Variants in TCTN3 observed in about 807,000 individuals in gnomAD.
TCTN3 encodes tectonic family member 3.
TCTN3 carries 57 observed loss-of-function variants against 71.3 expected under a neutral mutation model. The ratio of observed to expected loss-of-function variants is 0.80; its 90% CI spans 0.65 to 1.00. TCTN3 has a LOEUF of 1.00. Among genes scored for constraint, TCTN3 ranks in the 50% least tolerant of loss-of-function variants. The pLI is 0.00. For synonymous variants in TCTN3, 258 were observed against 267.8 expected, an observed-to-expected ratio of 0.96 and a Z score of 0.36; for missense variants, 696 against 719.9, an observed-to-expected ratio of 0.97 and a Z score of 0.38.
chr10:95,690,317 AG>A (rs1260912983), intron 3 of TCTN3, among the ~76,000 whole-genome samples: 1 of 152,214 alleles, frequency 6.6e-6, no homozygotes, highest in Admixed American at 6.5e-5. Flanking sequence ...GGGGAAACAA[AG>A]ATATGGTCCA....
rs2097944900 is a variant in TCTN3 at position 95,683,253 on chromosome 10, T to C, written c.1204-58A>G. On this transcript the variant is annotated intron_variant, in intron 10 of 13. Coordinates refer to ENST00000371217, the MANE Select transcript of TCTN3 (RefSeq NM_015631.6). ...TAACAGAAAAAAAAAGGAGGCAGCA[T>C]TGCAAAATTTATGTTCTCATTCTCC... The C allele has an allele frequency of 2.6e-6, 4 of 1,558,902 alleles. No homozygotes were observed. The South Asian group carries it at 3.5e-5, about 14-fold the overall frequency.
chr10:95,680,020 T>C (rs2139729922), intron 13 of TCTN3, among the ~76,000 whole-genome samples: 1 of 152,332 alleles, frequency 6.6e-6, no homozygotes, highest in African/African-American at 2.4e-5. Flanking sequence ...TTGCTACAGA[T>C]TAAAAGTGTT....
intron 13 of TCTN3, among the ~76,000 whole-genome samples, chr10:95,665,047 AC>A (rs2097924488): frequency 6.6e-6 from 1 of 152,224 alleles, no homozygotes; most frequent in African/African-American, 2.4e-5. Flanking sequence ...GTCTTTGGCA[AC>A]AGTAAGTACC....
At chr10:95,670,883 G>C (rs890045343) in intron 13 of TCTN3, among the ~76,000 whole-genome samples, 1 of 151,824 alleles carries the variant, frequency 6.6e-6, no homozygotes, top group Admixed American at 6.6e-5. Context: ...GGCTGGTCTC[G>C]AATTCCTAGG....
intron 13 of TCTN3, among the ~76,000 whole-genome samples, chr10:95,674,814 C>G (rs1295572197): frequency 2.1e-5 from 3 of 143,628 alleles, no homozygotes; most frequent in African/African-American, 7.7e-5. Flanking sequence ...GAGCGAGACC[C>G]CATCTCTAGA....
intron 3 of TCTN3, among the ~76,000 whole-genome samples, chr10:95,692,534 C>T (rs1265009241): frequency 6.7e-6 from 1 of 148,986 alleles, no homozygotes; most frequent in African/African-American, 2.5e-5. Context: ...AAATGTATTC[C>T]GTAATAAGAG....
chr10:95,684,454 A>C lies in TCTN3; in HGVS notation c.1095+45T>G, dbSNP rs1319333168. Reference sequence around the variant, plus strand: ...GAAGCAAAGAAATTATTTCTAACCCAATATTTCTTCCCCTCTAAATCCCCT... The same window carrying C: ...GAAGCAAAGAAATTATTTCTAACCCCATATTTCTTCCCCTCTAAATCCCCT... On this transcript the variant is annotated intron_variant, in intron 9 of 13. Coordinates refer to ENST00000371217, the MANE Select transcript of TCTN3 (RefSeq NM_015631.6). 12 of 1,589,418 alleles carry C rather than the reference A, an allele frequency of 7.5e-6. No homozygotes were observed. The Admixed American group carries it at 2.2e-4, about 29-fold the overall frequency.
chr10:95,693,293 A>G (rs1366244718), intron 2 of TCTN3, 60 bp downstream of exon 2: 2 of 1,547,210 alleles, frequency 1.3e-6, no homozygotes, highest in Non-Finnish European at 1.7e-6. Context: ...CTTACATCCA[A>G]ATGTTACCCG....
At position 95,686,540 on chromosome 10, in the gene TCTN3, C is replaced by T; in HGVS notation, c.853-10G>A. ...TCATGCTTCTTGGAACCTAGGAGAACAGCAGGGACATGAATGTGCATATAC... is the reference window on the plus strand; with the variant it reads ...TCATGCTTCTTGGAACCTAGGAGAATAGCAGGGACATGAATGTGCATATAC... On this transcript the variant is annotated splice_polypyrimidine_tract_variant and intron_variant, in intron 6 of 13. Coordinates refer to ENST00000371217, the MANE Select transcript of TCTN3 (RefSeq NM_015631.6). 2.5e-6 allele frequency: 4 copies of T among 1,614,002 alleles called. No individual in the cohort carries two copies. Among genetic ancestry groups the T allele is most frequent in the Non-Finnish European group, 3.4e-6 (4 of 1,179,928 alleles).
At chr10:95,687,420 A>G (rs2097949458) in intron 4 of TCTN3, 65 bp from the exon 5 acceptor site, 13 of 1,525,522 alleles carry the variant, frequency 8.5e-6, no homozygotes, top group Admixed American at 4.1e-5. Flanking sequence ...CAGAAAAGAA[A>G]GAGTAGAAAC....
chr10:95,664,120 TG>T lies in TCTN3; in HGVS notation c.1770del (p.Ile591SerfsTer14), dbSNP rs751622628. 1.1e-5 allele frequency: 18 copies of T among 1,613,998 alleles called. No individual in the cohort carries two copies. The South Asian group carries it at 2.0e-4, about 18-fold the overall frequency. On this transcript the variant is annotated frameshift_variant, in exon 14 of 14. Transcript: ENST00000371217. LOFTEE classifies it high-confidence loss of function. The stretch of plus-strand genomic sequence containing the variant: ...AGTAGTAAGAGGCACAGGATAAGGA[TG>T]GGAGAGACTGAGCATTTTTGAGAGA... Reference protein sequence around the residue: ...GVFSQKCSVSPILILCLLLLG... With the variant: ...GVFSQKCSVSXILILCLLLLG...
intron 13 of TCTN3, among the ~76,000 whole-genome samples, chr10:95,666,199 C>T (rs1300744227): frequency 6.6e-6 from 1 of 151,646 alleles, no homozygotes; most frequent in Non-Finnish European, 1.5e-5. Flanking sequence ...CCTCGGCCTC[C>T]CAAAGTGCTG....
intron 4 of TCTN3, 51 bp downstream of exon 4, chr10:95,687,541 T>C: frequency 1.2e-6 from 2 of 1,603,536 alleles, no homozygotes; most frequent in Non-Finnish European, 1.7e-6. Flanking sequence ...AGCTGTCTGC[T>C]GTGAGAGTAA....
chr10:95,678,761 T>G (rs1414940803), intron 13 of TCTN3, among the ~76,000 whole-genome samples: 3 of 152,158 alleles, frequency 2.0e-5, no homozygotes, highest in Admixed American at 2.0e-4. Flanking sequence ...AAGTTTCATA[T>G]AAGTATGAAA....
In TCTN3 at chr10:95,693,477, C is replaced by T. The variant is rs1589623689; in HGVS notation, c.257-1G>A. ...AAGTCACAGACACAGATCGGTAAGACTATGAAAGTACGACACAGAGTGAGT... is the reference window on the plus strand; with the variant it reads ...AAGTCACAGACACAGATCGGTAAGATTATGAAAGTACGACACAGAGTGAGT... On this transcript the variant is annotated splice_acceptor_variant, in intron 1 of 13. Coordinates refer to ENST00000371217, the MANE Select transcript of TCTN3 (RefSeq NM_015631.6). LOFTEE classifies it high-confidence loss of function. 4 of 1,552,116 alleles carry T rather than the reference C, an allele frequency of 2.6e-6. No individual in the cohort carries two copies. The South Asian group carries it at 4.8e-5, about 18-fold the overall frequency.
chr10:95,678,038 T>C (rs1386007276), intron 13 of TCTN3, among the ~76,000 whole-genome samples: 1 of 152,222 alleles, frequency 6.6e-6, no homozygotes, highest in African/African-American at 2.4e-5. Context: ...TCCTATCACT[T>C]AGATATTCTA....
intron 10 of TCTN3, 94 bp downstream of exon 10, chr10:95,683,428 A>G (rs2097945074): frequency 1.9e-6 from 3 of 1,598,716 alleles, no homozygotes; most frequent in East Asian, 2.3e-5. Flanking sequence ...TGAACAAAAA[A>G]TTCCTCACCT....
At chr10:95,666,677 G>A (rs2097926020) in intron 13 of TCTN3, among the ~76,000 whole-genome samples, 1 of 152,166 alleles carries the variant, frequency 6.6e-6, no homozygotes, top group Admixed American at 6.6e-5. Context: ...GATGGGAAAC[G>A]GAATAGGGAA....
chr10:95,693,346 A>G lies in TCTN3; in HGVS notation c.380+7T>C. ...CTTTAGGATTCAGTCTGAGCAACGA[A>G]GCTCACCTTACGCTGCCTGGAAGGC... On this transcript the variant is annotated splice_region_variant and intron_variant, in intron 2 of 13. Coordinates refer to ENST00000371217, the MANE Select transcript of TCTN3 (RefSeq NM_015631.6). 6.4e-7 allele frequency: 1 copy of G among 1,551,804 alleles called. No individual in the cohort carries two copies. The highest frequency in any genetic ancestry group is 8.7e-7 in the Non-Finnish European group (1 of 1,146,998).
Sources: allele counts gnomAD v4.1 joint callset (sites outside exome capture counted in the v4.1 genomes callset), GRCh38; gene constraint gnomAD v4.1.1; transcripts MANE v1.5; gene names NCBI Gene and HGNC (gene_info 2026-07-23, HGNC 2026-07-21).